Variants in WDTC1 observed in about 807,000 individuals in gnomAD.
The protein encoded by WDTC1 is WD and tetratricopeptide repeats protein 1.
WDTC1 carries 12 observed loss-of-function variants against 76.0 expected under a neutral mutation model. The observed-to-expected ratio is 0.16, with a 90% CI of 0.10 to 0.26. The LOEUF is 0.26. Ranked by LOEUF, WDTC1 falls within the 10% of genes least tolerant of loss-of-function variation. The pLI, the probability that WDTC1 is intolerant of heterozygous loss-of-function variation, is 1.00. For missense variants in WDTC1, 511 were observed against 908.8 expected (o/e 0.56, Z 5.63); for synonymous variants, 326 against 350.8 (o/e 0.93, Z 0.79).
intron 3 of WDTC1, among the ~76,000 whole-genome samples, chr1:27,263,709 G>T (rs114350661): frequency 3.9e-5 from 6 of 152,264 alleles, no homozygotes; most frequent in African/African-American, 1.2e-4. Flanking sequence ...GATTACAGGC[G>T]TGAGCCACCG....
At chr1:27,234,517 A>T (rs2011443219), upstream of WDTC1, 1 of 329,846 alleles carries the variant, frequency 3.0e-6, no homozygotes, top group African/African-American at 2.1e-5. Flanking sequence ...CGGGGGGGTA[A>T]GTGGGGGGGC....
At chr1:27,291,883 T>C (rs1557504043) in intron 6 of WDTC1, among the ~76,000 whole-genome samples, 1 of 152,146 alleles carries the variant, frequency 6.6e-6, no homozygotes, top group Non-Finnish European at 1.5e-5. Context: ...CGTTAGGAAT[T>C]AATTAAGGGG....
chr1:27,247,803 C>T (rs2011898535), intron 1 of WDTC1, among the ~76,000 whole-genome samples: 1 of 150,964 alleles, frequency 6.6e-6, no homozygotes, highest in Non-Finnish European at 1.5e-5. Flanking sequence ...ACTACAACCT[C>T]TGCCTCCCGG....
chr1:27,271,215 T>G (rs1161201965), intron 3 of WDTC1, among the ~76,000 whole-genome samples: 1 of 151,988 alleles, frequency 6.6e-6, no homozygotes, highest in Non-Finnish European at 1.5e-5. Context: ...TTACTTTTAT[T>G]TATTTTATTT....
chr1:27,283,455 C>T lies in WDTC1; in HGVS notation c.291+6C>T, dbSNP rs766096894. On this transcript the variant is annotated splice_donor_region_variant and intron_variant, in intron 5 of 15. Transcript: ENST00000319394. The stretch of plus-strand genomic sequence containing the variant: ...CAAATATCTTCTCTGTCAAGGTGAG[C>T]AGGACAAGCCACAGAGCAAGCACAA... 1.2e-6 allele frequency: 2 copies of T among 1,601,348 alleles called. No homozygotes were observed. Among genetic ancestry groups the T allele is most frequent in the South Asian group, 1.1e-5 (1 of 90,464 alleles).
chr1:27,239,545 G>A (rs1175869077), intron 1 of WDTC1, among the ~76,000 whole-genome samples: 9 of 138,118 alleles, frequency 6.5e-5, no homozygotes, highest in African/African-American at 2.1e-4. Flanking sequence ...AAAAAAGCCA[G>A]TTGTGCAGTG....
Position 27,283,346 on chromosome 1 carries a change from C to T in WDTC1, c.188C>T (p.Ala63Val). ...CCTCACTCTGCTTTCAGCTTGCTGG[C>T]CTCTGGTTCCGATGACCAGCACACG... ...LEWNEKGDLL[A>V]SGSDDQHTIV... The change falls in exon 5 of 16, where the codon GCC becomes GTC. Residue 63 changes from alanine to valine, a missense_variant. Ala to Val is a moderately conservative substitution (Grantham distance 64, BLOSUM62 0). Coordinates refer to ENST00000319394, the MANE Select transcript of WDTC1 (RefSeq NM_001276252.2). 1 of 1,613,776 alleles carries T rather than the reference C, an allele frequency of 6.2e-7. No individual in the cohort carries two copies. Among genetic ancestry groups the T allele is most frequent in the African/African-American group, 1.3e-5 (1 of 75,034 alleles).
intron 12 of WDTC1, among the ~76,000 whole-genome samples, chr1:27,300,515 A>G (rs2013804535): frequency 6.6e-6 from 1 of 151,876 alleles, no homozygotes; most frequent in Admixed American, 6.6e-5. Context: ...CATCAAAAGC[A>G]CTCCCACTTC....
rs1352011360 is a variant in WDTC1 at position 27,274,787 on chromosome 1, A to G, written c.133-7452A>G. Among the ~76,000 whole-genome samples the G allele has an allele frequency of 6.6e-6, 1 of 152,134 alleles. No homozygotes were observed. The highest frequency in any genetic ancestry group is 1.9e-4 in the East Asian group (1 of 5,190). On this transcript the variant is annotated intron_variant, in intron 3 of 15. Transcript: ENST00000319394. The surrounding 1 kb of genome is among the most constrained non-coding windows in gnomAD (Gnocchi z 4.2). The stretch of plus-strand genomic sequence containing the variant: ...AGTTGCTTGCTTTCATTTTGTATGT[A>G]TTACCAGGGATCTCCCAAGATCACC...
intron 2 of WDTC1, among the ~76,000 whole-genome samples, chr1:27,262,670 T>G (rs1012192259): frequency 6.6e-6 from 1 of 152,290 alleles, no homozygotes; most frequent in Admixed American, 6.5e-5. Flanking sequence ...ATTACAGGCA[T>G]AAGCCACCAT....
intron 6 of WDTC1, among the ~76,000 whole-genome samples, chr1:27,289,549 C>T (rs1404899839): frequency 1.3e-5 from 2 of 151,646 alleles, no homozygotes; most frequent in African/African-American, 4.8e-5. Context: ...GATGGGCGGC[C>T]AGGCAGAGAC....
chr1:27,235,680 T>G (rs981261518), intron 1 of WDTC1, among the ~76,000 whole-genome samples: 2 of 152,002 alleles, frequency 1.3e-5, no homozygotes, highest in African/African-American at 4.8e-5. Context: ...TGACTTTGCT[T>G]GGTGGCTTGG....
intron 1 of WDTC1, among the ~76,000 whole-genome samples, chr1:27,245,890 G>T (rs1474207380): frequency 1.3e-5 from 2 of 151,688 alleles, no homozygotes; most frequent in Admixed American, 1.3e-4. Flanking sequence ...ATGGGAGGTA[G>T]CATGTCCAGA....
intron 14 of WDTC1, 48 bp from the exon 15 acceptor site, chr1:27,304,953 G>A (rs1570991666): frequency 6.4e-7 from 1 of 1,564,802 alleles, no homozygotes; most frequent in Non-Finnish European, 8.7e-7. Context: ...ACTTGAGGCT[G>A]TAGGGCAGTA....
intron 13 of WDTC1, among the ~76,000 whole-genome samples, chr1:27,302,380 C>T (rs918503315): frequency 5.9e-5 from 9 of 151,962 alleles, no homozygotes; most frequent in Non-Finnish European, 1.2e-4. Flanking sequence ...TGGGGTTCTT[C>T]AGGAAGAAAC....
intron 3 of WDTC1, among the ~76,000 whole-genome samples, chr1:27,269,621 G>GTTTT (rs538857228): frequency 7.9e-5 from 10 of 126,842 alleles, no homozygotes; most frequent in Admixed American, 9.4e-5. Context: ...TTTTTTTTCG[G>GTTTT]TTTTTTTTTT....
At chr1:27,291,581 A>C (rs931863778) in intron 6 of WDTC1, among the ~76,000 whole-genome samples, 1 of 151,956 alleles carries the variant, frequency 6.6e-6, no homozygotes, top group South Asian at 2.1e-4. Flanking sequence ...GAGCGGTGGG[A>C]GTTTGCTGCT....
chr1:27,283,515 G>T (rs183619913), intron 5 of WDTC1, 66 bp downstream of exon 5: 5 of 1,470,754 alleles, frequency 3.4e-6, no homozygotes, highest in Non-Finnish European at 4.7e-6. Context: ...CTGGGCTGTG[G>T]CCACGCCATG....
chr1:27,244,521 T>C (rs2011746858), intron 1 of WDTC1, among the ~76,000 whole-genome samples: 1 of 152,108 alleles, frequency 6.6e-6, no homozygotes, highest in Admixed American at 6.6e-5. Flanking sequence ...TTTAAAAAAC[T>C]TTTTTATAGA....
Sources: allele counts gnomAD v4.1 joint callset (sites outside exome capture counted in the v4.1 genomes callset), GRCh38; gene constraint gnomAD v4.1.1; non-coding constraint Gnocchi (gnomAD v3.1); transcripts MANE v1.5; gene names NCBI Gene and HGNC (gene_info 2026-07-23, HGNC 2026-07-21).